Variants in SPATA7 observed in about 807,000 individuals in gnomAD.
SPATA7 encodes the protein spermatogenesis-associated protein 7.
A neutral mutation model predicts 51.8 loss-of-function variants in SPATA7; 43 were observed. The ratio of observed to expected loss-of-function variants is 0.83; its 90% CI spans 0.65 to 1.07. The LOEUF is 1.07. SPATA7 is among the 50% of genes least tolerant of loss of function. The pLI, the probability that SPATA7 is intolerant of heterozygous loss-of-function variation, is 0.00. For missense variants in SPATA7, 683 were observed against 701.3 expected, an observed-to-expected ratio of 0.97 and a Z score of 0.30; for synonymous variants, 230 against 252.8, an observed-to-expected ratio of 0.91 and a Z score of 0.86.
intron 7 of SPATA7, 51 bp downstream of exon 7, chr14:88,427,747 T>C: frequency 7.8e-7 from 1 of 1,279,868 alleles, no homozygotes; most frequent in Non-Finnish European, 1.1e-6. Context: ...TACAGATGTT[T>C]TTCAGTAAAT....
At chr14:88,449,785 G>C (rs1399580797) in intron 3 of SPATA7, among the ~76,000 whole-genome samples, 1 of 151,996 alleles carries the variant, frequency 6.6e-6, no homozygotes, top group East Asian at 1.9e-4. Flanking sequence ...ATACATTTAG[G>C]ATTGTGATAT....
At chr14:88,406,604 C>G (rs1252603391) in intron 4 of SPATA7, 1 of 151,350 alleles carries the variant, frequency 6.6e-6, no homozygotes, top group African/African-American at 2.5e-5. Context: ...AAAAAATGTC[C>G]AGGTGTTCTT....
chr14:88,387,233 A>G lies in SPATA7; in HGVS notation c.19+1396A>G, dbSNP rs189698474. Among the ~76,000 whole-genome samples, 55 of 152,336 alleles carry G rather than the reference A, an allele frequency of 3.6e-4. No individual in the cohort carries two copies. In the East Asian group the frequency reaches 0.01, roughly 29 times the overall value. On this transcript the variant is annotated intron_variant, in intron 1 of 11. Transcript: ENST00000393545. Reference sequence around the variant, plus strand: ...GGGGGAAAGGATAAATGTAACATTTAGAGTATGGTAGATTTAGTAAGTTGT... The same window carrying G: ...GGGGGAAAGGATAAATGTAACATTTGGAGTATGGTAGATTTAGTAAGTTGT...
At chr14:88,388,902 C>T (rs1043064027) in intron 1 of SPATA7, among the ~76,000 whole-genome samples, 5 of 152,082 alleles carry the variant, frequency 3.3e-5, no homozygotes, top group East Asian at 3.9e-4. Flanking sequence ...GCTTCATCAC[C>T]GAGGAGTGAT....
chr14:88,416,003 C>T (rs970648710), intron 4 of SPATA7: 1 of 152,378 alleles, frequency 6.6e-6, no homozygotes, highest in African/African-American at 2.4e-5. Context: ...CTTCCCCTCT[C>T]GTTCTTGCCA....
At chr14:88,433,601 A>G (rs2076996142) in intron 10 of SPATA7, among the ~76,000 whole-genome samples, 1 of 152,208 alleles carries the variant, frequency 6.6e-6, no homozygotes, top group Non-Finnish European at 1.5e-5. Context: ...TAGATCTAGT[A>G]AAATGAGAAC....
At chr14:88,421,453 G>A (rs773615537) in intron 5 of SPATA7, among the ~76,000 whole-genome samples, 21 of 152,106 alleles carry the variant, frequency 1.4e-4, no homozygotes, top group Non-Finnish European at 2.6e-4. Flanking sequence ...TAATGAGTCT[G>A]GATTTTTTTC....
At chr14:88,432,391 A>G (rs1467197777) in intron 9 of SPATA7, among the ~76,000 whole-genome samples, 1 of 152,156 alleles carries the variant, frequency 6.6e-6, no homozygotes, top group African/African-American at 2.4e-5. Flanking sequence ...CTTATTCAGT[A>G]ATTTAGTTAC....
At chr14:88,386,069 A>G (rs551268231) in intron 1 of SPATA7, 2 of 1,421,020 alleles carry the variant, frequency 1.4e-6, no homozygotes, top group South Asian at 3.0e-5. Context: ...CCCTGACACC[A>G]GGGGCCCCTG....
At chr14:88,455,131 G>A (rs946493297) in exon 4 of SPATA7, 1 of 455,692 alleles carries the variant, frequency 2.2e-6, no homozygotes, top group East Asian at 6.9e-5. Context: ...ACAACAAATA[G>A]CATATGTTCT....
intron 4 of SPATA7, among the ~76,000 whole-genome samples, chr14:88,462,738 A>G (rs1324663288): frequency 6.6e-6 from 1 of 152,218 alleles, no homozygotes; most frequent in Non-Finnish European, 1.5e-5. Flanking sequence ...GACACACCAC[A>G]AAGTCATTTA....
intron 4 of SPATA7, among the ~76,000 whole-genome samples, chr14:88,404,207 A>G (rs1030399606): frequency 6.6e-6 from 1 of 152,180 alleles, no homozygotes; most frequent in East Asian, 1.9e-4. Flanking sequence ...ACTCTATATA[A>G]TGCAAATATA....
At chr14:88,402,959 C>CA (rs56330042) in intron 4 of SPATA7, among the ~76,000 whole-genome samples, 15,290 of 61,654 alleles carry the variant, frequency 0.25, 1,596 homozygotes, top group Non-Finnish European at 0.29. Flanking sequence ...AACTCAATAG[C>CA]AAAAAAAAAA....
rs1489260101 is a variant in SPATA7, at chr14:88,429,384, A to G, written c.949A>G (p.Ile317Val). 6.2e-7 allele frequency: 1 copy of G among 1,612,542 alleles called. No homozygotes were observed. ...TGTGACATATGATGCCAAAGAAAAA[A>G]TAGCTCCTTTACCTTTAGAAGGGCA... ...NCVTYDAKEK[I>V]APLPLEGHDS... Residue 317 changes from isoleucine to valine, a missense_variant, in exon 8 of 12, where the codon ATA (isoleucine) becomes GTA (valine). Ile to Val is a conservative substitution (Grantham distance 29, BLOSUM62 3). Coordinates refer to ENST00000393545, the MANE Select transcript of SPATA7 (RefSeq NM_018418.5).
At chr14:88,462,734 C>G (rs993155172) in intron 4 of SPATA7, among the ~76,000 whole-genome samples, 4 of 152,118 alleles carry the variant, frequency 2.6e-5, no homozygotes, top group Non-Finnish European at 1.5e-5. Context: ...ATTTGACACA[C>G]CACAAAGTCA....
Position 88,393,488 on chromosome 14 carries a change from G to A in SPATA7, c.190G>A (p.Ala64Thr), listed in dbSNP as rs1258488697. ...CTATAATAAAATCCTTTCAGCCAAA[G>A]GTAAAAATGTGCAAATGTGAACTCT... ...VHYNKILSAK[A>T]AVDCSVPVSV... The change falls in exon 3 of 12, where the codon GCT becomes ACT. Residue 64 changes from alanine to threonine, a missense_variant and splice_region_variant. Physicochemically the swap from Ala to Thr is moderately conservative, Grantham distance 58. Transcript: ENST00000393545. 4 of 1,591,694 alleles carry A rather than the reference G, an allele frequency of 2.5e-6. No individual in the cohort carries two copies. The African/African-American group carries it at 5.4e-5, about 21-fold the overall frequency.
chr14:88,440,247 C>T (rs182678239), downstream of SPATA7, among the ~76,000 whole-genome samples: 65 of 152,270 alleles, frequency 4.3e-4, no homozygotes, highest in African/African-American at 1.5e-3. Context: ...TGCTGTTCTC[C>T]AACACTTTGG....
chr14:88,437,111 G>T (rs2077111086), intron 10 of SPATA7, among the ~76,000 whole-genome samples: 1 of 148,628 alleles, frequency 6.7e-6, no homozygotes. Flanking sequence ...TTTGTTCATT[G>T]GTGTTTTATA....
At chr14:88,417,801 G>A (rs575557117) in intron 5 of SPATA7, among the ~76,000 whole-genome samples, 2 of 151,754 alleles carry the variant, frequency 1.3e-5, no homozygotes, top group Non-Finnish European at 1.5e-5. Flanking sequence ...TTCTTTTTTT[G>A]TACTCCTTGT....
Sources: allele counts gnomAD v4.1 joint callset (sites outside exome capture counted in the v4.1 genomes callset), GRCh38; gene constraint gnomAD v4.1.1; transcripts MANE v1.5; gene names NCBI Gene and HGNC (gene_info 2026-07-23, HGNC 2026-07-21).